THSD7B: variants seen among roughly 807,000 people sequenced by gnomAD.
The protein encoded by THSD7B is thrombospondin type 1 domain containing 7B, also known as thrombospondin type-1 domain-containing protein 7B.
THSD7B carries 138 observed loss-of-function variants against 213.6 expected under a neutral mutation model. The observed-to-expected ratio is 0.65, with a 90% CI of 0.56 to 0.74. The LOEUF is 0.74. Ranked by LOEUF, THSD7B falls within the 30% of genes least tolerant of loss-of-function variation. The pLI is 0.00. For synonymous variants in THSD7B, 742 were observed against 687.0 expected (o/e 1.08, Z -1.25); for missense variants, 1,931 against 1,991.5 (o/e 0.97, Z 0.58).
At chr2:137,377,123 C>G (rs184841727) in intron 12 of THSD7B, among the ~76,000 whole-genome samples, 2 of 152,000 alleles carry the variant, frequency 1.3e-5, no homozygotes, top group East Asian at 3.9e-4. Context: ...GCATTTTTTC[C>G]GTATGTGGTG....
intron 10 of THSD7B, among the ~76,000 whole-genome samples, chr2:137,257,510 AG>A (rs1461798517): frequency 6.6e-6 from 1 of 152,152 alleles, no homozygotes; most frequent in African/African-American, 2.4e-5. Flanking sequence ...TCTTCTTATC[AG>A]GATCAGGGAC....
At chr2:137,121,870 T>C (rs1012051261) in intron 5 of THSD7B, among the ~76,000 whole-genome samples, 3 of 152,202 alleles carry the variant, frequency 2.0e-5, no homozygotes, top group African/African-American at 7.2e-5. Context: ...GAGAAAGGAA[T>C]TGTTTGACTG....
chr2:137,319,223 CTT>C (rs756553883), intron 12 of THSD7B, among the ~76,000 whole-genome samples: 34 of 137,830 alleles, frequency 2.5e-4, no homozygotes, highest in Admixed American at 2.9e-4. Flanking sequence ...GTATATATTT[CTT>C]TTTTTTTTTT....
chr2:137,327,882 T>C (rs16838769), intron 12 of THSD7B, among the ~76,000 whole-genome samples: 2,604 of 152,330 alleles, frequency 0.017, 80 homozygotes, highest in African/African-American at 0.059. Flanking sequence ...TAGATTATTC[T>C]TTGGGAGCCT....
At chr2:137,006,571 T>G (rs544856308) in intron 2 of THSD7B, among the ~76,000 whole-genome samples, 3 of 152,178 alleles carry the variant, frequency 2.0e-5, no homozygotes, top group Non-Finnish European at 4.4e-5. Flanking sequence ...TCTTCTATAC[T>G]GCCTGTTCAC....
chr2:137,070,897 A>T (rs1687472661), intron 3 of THSD7B, among the ~76,000 whole-genome samples: 1 of 152,090 alleles, frequency 6.6e-6, no homozygotes, highest in South Asian at 2.1e-4. Context: ...TGAAGTCATC[A>T]TTTTTTATGG....
chr2:137,646,456 A>C (rs1426002622), intron 21 of THSD7B, among the ~76,000 whole-genome samples: 1 of 147,470 alleles, frequency 6.8e-6, no homozygotes, highest in Non-Finnish European at 1.5e-5. Context: ...AGCCTGAACA[A>C]CATGATGAAA....
rs55940004 is a variant in THSD7B at position 137,675,403 on chromosome 2, C to CATATATATAT, written c.4740-1086_4740-1077dup. Among the ~76,000 whole-genome samples the CATATATATAT allele has an allele frequency of 1.1e-3, 133 of 116,488 alleles. 1 individual carries two copies. The highest frequency in any genetic ancestry group is 1.6e-3 in the African/African-American group (41 of 25,374). 76.4% of individuals were successfully genotyped at this position (116,488 alleles called of 152,430 possible). A position where few individuals can be genotyped will look rare whatever the true frequency, so the allele number is the denominator to read the frequency against. On this transcript the variant is annotated intron_variant, in intron 27 of 27. Transcript: ENST00000409968. The stretch of plus-strand genomic sequence containing the variant: ...TTTCTACCAAGTGCTAAATGAATGC[C>CATATATATAT]ATATATATATATATATATATATATA...
chr2:137,380,759 A>T (rs1685756530), intron 12 of THSD7B, among the ~76,000 whole-genome samples: 1 of 152,264 alleles, frequency 6.6e-6, no homozygotes, highest in East Asian at 1.9e-4. Flanking sequence ...CAAGGCAGAC[A>T]TCCAGTCCAG....
intron 15 of THSD7B, among the ~76,000 whole-genome samples, chr2:137,497,382 C>A (rs1003183784): frequency 6.6e-6 from 1 of 151,962 alleles, no homozygotes; most frequent in Non-Finnish European, 1.5e-5. Flanking sequence ...TTTCACATGA[C>A]CCTAATTTTT....
chr2:137,464,824 A>C (rs1020056453), intron 15 of THSD7B, among the ~76,000 whole-genome samples: 1 of 152,004 alleles, frequency 6.6e-6, no homozygotes, highest in African/African-American at 2.4e-5. Context: ...ACCAGAAGTA[A>C]ATTTTATTTC....
At chr2:137,079,503 A>G (rs556184390) in intron 3 of THSD7B, among the ~76,000 whole-genome samples, 28 of 152,202 alleles carry the variant, frequency 1.8e-4, no homozygotes, top group Admixed American at 9.8e-4. Flanking sequence ...TTTGTCTTGA[A>G]TTTTAATTTG....
chr2:137,204,822 TC>T (rs1043076312), intron 7 of THSD7B, among the ~76,000 whole-genome samples: 12 of 135,934 alleles, frequency 8.8e-5, no homozygotes, highest in African/African-American at 2.6e-4. Flanking sequence ...AGTAATTTCA[TC>T]CAGAACTCAG....
intron 15 of THSD7B, among the ~76,000 whole-genome samples, chr2:137,548,060 C>T (rs1192792595): frequency 6.6e-6 from 1 of 151,872 alleles, no homozygotes; most frequent in Admixed American, 6.6e-5. Context: ...AGATTTATCC[C>T]AAGGAAGCCG....
At chr2:137,505,321 G>C (rs1679809434) in intron 15 of THSD7B, among the ~76,000 whole-genome samples, 1 of 152,318 alleles carries the variant, frequency 6.6e-6, no homozygotes, top group Middle Eastern at 3.4e-3. Context: ...TGATTCAGTG[G>C]CTCTGGGGAG....
intron 20 of THSD7B, among the ~76,000 whole-genome samples, chr2:137,633,618 T>C (rs1023120372): frequency 2.0e-5 from 3 of 152,156 alleles, no homozygotes; most frequent in Admixed American, 6.6e-5. Context: ...ATTTAAATTC[T>C]CTGAGCCTCA....
intron 15 of THSD7B, among the ~76,000 whole-genome samples, chr2:137,535,775 T>A (rs1680493786): frequency 6.6e-6 from 1 of 151,590 alleles, no homozygotes; most frequent in Admixed American, 6.6e-5. Flanking sequence ...GAGGACAGAA[T>A]GATCAGAGAA....
chr2:136,846,510 G>T (rs920507138), intron 1 of THSD7B, among the ~76,000 whole-genome samples: 1 of 152,052 alleles, frequency 6.6e-6, no homozygotes, highest in Admixed American at 6.6e-5. Flanking sequence ...TTTTCTTTAG[G>T]TATGAAGCTA....
intron 15 of THSD7B, among the ~76,000 whole-genome samples, chr2:137,482,188 A>T (rs1375678121): frequency 1.4e-3 from 4 of 2,772 alleles, no homozygotes; most frequent in East Asian, 0.5. Context: ...CCTCCCCACC[A>T]AAAAAAAAAA....
Sources: allele counts gnomAD v4.1 joint callset (sites outside exome capture counted in the v4.1 genomes callset), GRCh38; gene constraint gnomAD v4.1.1; transcripts MANE v1.5; gene names NCBI Gene and HGNC (gene_info 2026-07-23, HGNC 2026-07-21).